BET1L: variants seen among roughly 807,000 people sequenced by gnomAD.
BET1L encodes BET1-like protein.
A neutral mutation model predicts 12.6 loss-of-function variants in BET1L; 13 were observed. The ratio of observed to expected loss-of-function variants is 1.03; its 90% CI spans 0.67 to 1.64. BET1L has a LOEUF of 1.64. Ranked by LOEUF, BET1L falls within the 40% of genes most tolerant of loss-of-function variation. The pLI, the probability that BET1L is intolerant of heterozygous loss-of-function variation, is 0.00. For synonymous variants in BET1L, 60 were observed against 56.9 expected, an observed-to-expected ratio of 1.05 and a Z score of -0.25; for missense variants, 154 against 150.7, an observed-to-expected ratio of 1.02 and a Z score of -0.11.
Position 207,395 on chromosome 11 carries a change from G to GA in BET1L, c.-75dup. ...GCCTCAGACGTGGCGCAGTCGCGGG[G>GA]AAAGAGCTTCCGGCCCCGCCCCCAG... On this transcript the variant is annotated 5_prime_UTR_variant, in exon 1 of 4. Coordinates refer to ENST00000382762, the MANE Select transcript of BET1L (RefSeq NM_001098787.2). The GA allele has an allele frequency of 3.2e-6, 4 of 1,261,062 alleles. No homozygotes were observed. The highest frequency in any genetic ancestry group is 4.0e-6 in the Non-Finnish European group (4 of 1,002,942). The allele number at this position is 1,261,062 out of a possible 1,614,324, so 78.1% of individuals were successfully genotyped here.
chr11:207,198 G>C, intron 1 of BET1L, 105 bp downstream of exon 1: 2 of 1,411,060 alleles, frequency 1.4e-6, no homozygotes, highest in Non-Finnish European at 1.9e-6. Context: ...CCTCTCGGCC[G>C]AGGTCACCCC....
Position 205,651 on chromosome 11 carries a change from T to A in BET1L, c.128A>T (p.Asp43Val), listed in dbSNP as rs759602136. ...TRLKSLALDI[D>V]RDAEDQNRYL... is the part of the protein sequence containing the mutation. ...CCGGTTCTGATCCTCTGCATCCCTA[T>A]CGATGTCCAGGGCGAGCTGTTCAGC... is the stretch of plus-strand genomic sequence containing the variant. Residue 43 changes from aspartate to valine, a missense_variant, in exon 3 of 4, where the codon GAT becomes GTT. Transcript: ENST00000382762. 3.7e-6 allele frequency: 6 copies of A among 1,611,214 alleles called. No homozygotes were observed. The highest frequency in any genetic ancestry group is 2.2e-5 in the South Asian group (2 of 91,066).
chr11:207,388 T>G lies in BET1L; in HGVS notation c.-67A>C. 2 of 1,268,886 alleles carry G rather than the reference T, an allele frequency of 1.6e-6. No homozygotes were observed. The highest frequency in any genetic ancestry group is 3.4e-5 in the African/African-American group (1 of 29,668). 78.6% of individuals were successfully genotyped at this position (1,268,886 alleles called of 1,614,324 possible). On this transcript the variant is annotated 5_prime_UTR_variant, in exon 1 of 4. Transcript: ENST00000382762. Reference sequence around the variant, plus strand: ...CACAGCCGCCTCAGACGTGGCGCAGTCGCGGGGAAAGAGCTTCCGGCCCCG... The same window carrying G: ...CACAGCCGCCTCAGACGTGGCGCAGGCGCGGGGAAAGAGCTTCCGGCCCCG...
rs1855082808 is a variant in BET1L at position 203,591 on chromosome 11, G to A, written c.*1711C>T. 6.6e-6 allele frequency: 1 copy of A among 152,570 alleles called. No homozygotes were observed. 9.5% of individuals were successfully genotyped at this position (152,570 alleles called of 1,614,324 possible). A position where few individuals can be genotyped will look rare whatever the true frequency, so the allele number is the denominator to read the frequency against. On this transcript the variant is annotated 3_prime_UTR_variant, in exon 4 of 4. Transcript: ENST00000382762. The stretch of plus-strand genomic sequence containing the variant: ...ACCAGATGGAGATACAATGCAGGCA[G>A]CTGCTACCATGCTTGGTGACCAGGG...
At position 205,063 on chromosome 11, in the gene BET1L, A is replaced by AG. The variant is rs1259536462; in HGVS notation, c.*238dup. On this transcript the variant is annotated 3_prime_UTR_variant, in exon 4 of 4. Coordinates refer to ENST00000382762, the MANE Select transcript of BET1L (RefSeq NM_001098787.2). ...TGCCTGGCTCTCTAGCACCTGGGGG[A>AG]GGGGGGAGGGGCTGGGCCTTGGTTT... 1.9e-5 allele frequency: 9 copies of AG among 463,684 alleles called. No homozygotes were observed. The highest frequency in any genetic ancestry group is 3.0e-5 in the Non-Finnish European group (8 of 265,282). The allele number at this position is 463,684 out of a possible 1,614,324, so 28.7% of individuals were successfully genotyped here.
chr11:203,238 A>G lies in BET1L; in HGVS notation c.*2064T>C, dbSNP rs967497066. On this transcript the variant is annotated 3_prime_UTR_variant, in exon 4 of 4. Transcript: ENST00000382762. Reference sequence around the variant, plus strand: ...TTTGTGGAATCCTTCTTAATACAAGAGTGAGAAGCAGAAGAGCAAACCACA... The same window carrying G: ...TTTGTGGAATCCTTCTTAATACAAGGGTGAGAAGCAGAAGAGCAAACCACA... 2 of 152,210 alleles carry G rather than the reference A, an allele frequency of 1.3e-5. No homozygotes were observed. Among genetic ancestry groups the G allele is most frequent in the African/African-American group, 4.8e-5 (2 of 41,436 alleles). The allele number at this position is 152,210 out of a possible 1,614,324, so 9.4% of individuals were successfully genotyped here.
At position 202,938 on chromosome 11, in the gene BET1L, G is replaced by C. The variant is rs1689750730; in HGVS notation, c.*2364C>G. 6.6e-6 allele frequency: 1 copy of C among 152,254 alleles called. No individual in the cohort carries two copies. Among genetic ancestry groups the C allele is most frequent in the Non-Finnish European group, 1.5e-5 (1 of 68,070 alleles). 9.4% of individuals were successfully genotyped at this position (152,254 alleles called of 1,614,324 possible). Reference sequence around the variant, plus strand: ...AGACCATATGATTAGTTCTTCATGAGGTTATGTTTACTACAAATTTTTATT... The same window carrying C: ...AGACCATATGATTAGTTCTTCATGACGTTATGTTTACTACAAATTTTTATT... On this transcript the variant is annotated 3_prime_UTR_variant, in exon 4 of 4. Transcript: ENST00000382762.
rs966373848 is a variant in BET1L, at chr11:204,602, C to T, written c.*700G>A. ...ATCCTGAGAATACAAGTTTCTGCTC[C>T]TGGATACACAGTCACATGACCCAGA... On this transcript the variant is annotated 3_prime_UTR_variant, in exon 4 of 4. Transcript: ENST00000382762. The T allele has an allele frequency of 3.3e-5, 5 of 152,468 alleles. No individual in the cohort carries two copies. Among genetic ancestry groups the T allele is most frequent in the Non-Finnish European group, 7.3e-5 (5 of 68,276 alleles). 9.4% of individuals were successfully genotyped at this position (152,468 alleles called of 1,614,324 possible).
intron 2 of BET1L, 45 bp from the exon 3 acceptor site, chr11:205,712 A>G (rs903969311): frequency 5.0e-6 from 8 of 1,584,418 alleles, no homozygotes; most frequent in Non-Finnish European, 6.9e-6. Flanking sequence ...GAGCAGACAC[A>G]TAATACAGCA....
chr11:205,057 T>TGGGGGCG lies in BET1L; in HGVS notation c.*244_*245insCGCCCCC. 1 of 461,914 alleles carries TGGGGGCG rather than the reference T, an allele frequency of 2.2e-6. No homozygotes were observed. The highest frequency in any genetic ancestry group is 3.8e-6 in the Non-Finnish European group (1 of 261,714). 28.6% of individuals were successfully genotyped at this position (461,914 alleles called of 1,614,324 possible). The stretch of plus-strand genomic sequence containing the variant: ...CAGCTCTGCCTGGCTCTCTAGCACC[T>TGGGGGCG]GGGGGAGGGGGGAGGGGCTGGGCCT... On this transcript the variant is annotated 3_prime_UTR_variant, in exon 4 of 4. Transcript: ENST00000382762.
chr11:205,662 G>T lies in BET1L; in HGVS notation c.117C>A (p.Ala39=). 6.2e-7 allele frequency: 1 copy of T among 1,609,274 alleles called. No homozygotes were observed. The highest frequency in any genetic ancestry group is 1.1e-5 in the South Asian group (1 of 91,054). Residue 39 remains alanine (A), a synonymous_variant, in exon 3 of 4, where the codon GCC becomes GCA. Coordinates refer to ENST00000382762, the MANE Select transcript of BET1L (RefSeq NM_001098787.2). ...ASKVTRLKSL[A]LDIDRDAEDQ... The stretch of plus-strand genomic sequence containing the variant: ...CCTCTGCATCCCTATCGATGTCCAG[G>T]GCGAGCTGTTCAGCAGACAGAGAGG...
rs1758383931 is a variant in BET1L, at chr11:203,084, CA to C, written c.*2217del. 6.6e-6 allele frequency: 1 copy of C among 152,192 alleles called. No individual in the cohort carries two copies. The highest frequency in any genetic ancestry group is 3.2e-3 in the Middle Eastern group (1 of 316). The allele number at this position is 152,192 out of a possible 1,614,324, so 9.4% of individuals were successfully genotyped here. A position where few individuals can be genotyped will look rare whatever the true frequency, so the allele number is the denominator to read the frequency against. On this transcript the variant is annotated 3_prime_UTR_variant, in exon 4 of 4. Transcript: ENST00000382762. Reference sequence around the variant, plus strand: ...AGAGTCCTTTTGGTTTTACTGGTGTCAGGGATTACAGTCAGCAAACCCCACT... The same window carrying C: ...AGAGTCCTTTTGGTTTTACTGGTGTCGGGATTACAGTCAGCAAACCCCACT...
In BET1L at chr11:203,967, A is replaced by AG; in HGVS notation, c.*1334dup. ...GCTGTGTGGAAGGAAGGAGGAGGGG[A>AG]GGGGAAGGGTGAGCAAAGTGGGGCT... On this transcript the variant is annotated 3_prime_UTR_variant, in exon 4 of 4. Coordinates refer to ENST00000382762, the MANE Select transcript of BET1L (RefSeq NM_001098787.2). 1 of 153,348 alleles carries AG rather than the reference A, an allele frequency of 6.5e-6. No individual in the cohort carries two copies. The highest frequency in any genetic ancestry group is 1.5e-5 in the Non-Finnish European group (1 of 68,492). 9.5% of individuals were successfully genotyped at this position (153,348 alleles called of 1,614,324 possible).
In BET1L at chr11:203,224, C is replaced by T. The variant is rs1855074657; in HGVS notation, c.*2078G>A. The T allele has an allele frequency of 6.6e-6, 1 of 152,218 alleles. No individual in the cohort carries two copies. The highest frequency in any genetic ancestry group is 2.4e-5 in the African/African-American group (1 of 41,442). 9.4% of individuals were successfully genotyped at this position (152,218 alleles called of 1,614,324 possible). A position where few individuals can be genotyped will look rare whatever the true frequency, so the allele number is the denominator to read the frequency against. On this transcript the variant is annotated 3_prime_UTR_variant, in exon 4 of 4. Transcript: ENST00000382762. The stretch of plus-strand genomic sequence containing the variant: ...GATGCCACTCTCCCTTTGTGGAATC[C>T]TTCTTAATACAAGAGTGAGAAGCAG...
At chr11:205,847 T>C in intron 2 of BET1L, 105 bp downstream of exon 2, 1 of 1,468,326 alleles carries the variant, frequency 6.8e-7, no homozygotes, top group Non-Finnish European at 9.4e-7. Flanking sequence ...ACGAATTGGA[T>C]GAGGATGGAA....
At position 207,361 on chromosome 11, in the gene BET1L, G is replaced by A; in HGVS notation, c.-40C>T. Reference sequence around the variant, plus strand: ...GCTCCTCGACGCGGACACCGACGCGGCCACAGCCGCCTCAGACGTGGCGCA... The same window carrying A: ...GCTCCTCGACGCGGACACCGACGCGACCACAGCCGCCTCAGACGTGGCGCA... On this transcript the variant is annotated 5_prime_UTR_variant, in exon 1 of 4. Coordinates refer to ENST00000382762, the MANE Select transcript of BET1L (RefSeq NM_001098787.2). 1.9e-6 allele frequency: 3 copies of A among 1,545,004 alleles called. No individual in the cohort carries two copies. Among genetic ancestry groups the A allele is most frequent in the African/African-American group, 2.8e-5 (2 of 71,842 alleles).
intron 1 of BET1L, 138 bp downstream of exon 1, chr11:207,165 C>G: frequency 1.7e-6 from 2 of 1,207,126 alleles, no homozygotes; most frequent in South Asian, 1.6e-5. Context: ...CGGAAGGATC[C>G]GAATCCGCCC....
At position 205,405 on chromosome 11, in the gene BET1L, G is replaced by A; in HGVS notation, c.233C>T (p.Ala78Val). Residue 78 changes from alanine to valine, a missense_variant, in exon 4 of 4, where the codon GCA becomes GTA. Coordinates refer to ENST00000382762, the MANE Select transcript of BET1L (RefSeq NM_001098787.2). ...CTTCCGGTTGTCTTGTCCGGACCTT[G>A]CCATTGTGGAAAAGCGCTTCACGCT... ...TGSVKRFSTM[A>V]RSGQDNRKLL... The A allele has an allele frequency of 2.5e-6, 4 of 1,614,232 alleles. No homozygotes were observed. Among genetic ancestry groups the A allele is most frequent in the Non-Finnish European group, 3.4e-6 (4 of 1,180,048 alleles).
Position 205,215 on chromosome 11 carries a change from T to G in BET1L, c.*87A>C. 6.9e-7 allele frequency: 1 copy of G among 1,439,482 alleles called. No homozygotes were observed. The highest frequency in any genetic ancestry group is 1.4e-5 in the South Asian group (1 of 71,082). The allele number at this position is 1,439,482 out of a possible 1,614,324, so 89.2% of individuals were successfully genotyped here. On this transcript the variant is annotated 3_prime_UTR_variant, in exon 4 of 4. Transcript: ENST00000382762. ...ACAATTATCATTGCAAAGGAGTATT[T>G]TGTAGGTAAGTCCTCTGGAGCCCAA... is the stretch of plus-strand genomic sequence containing the variant.
Sources: gnomAD v4.1 joint callset for allele counts on GRCh38, gnomAD v4.1.1 for gene constraint, MANE v1.5 for transcripts, NCBI Gene and HGNC (gene_info 2026-07-23, HGNC 2026-07-21) for gene names.